LDLRAD4: variants seen among roughly 807,000 people sequenced by gnomAD.
LDLRAD4 encodes low-density lipoprotein receptor class A domain-containing protein 4.
A neutral mutation model predicts 17.0 loss-of-function variants in LDLRAD4; 5 were observed. The ratio of observed to expected loss-of-function variants is 0.29; its 90% CI spans 0.15 to 0.62. The LOEUF (loss-of-function observed/expected upper bound fraction) is 0.62. LDLRAD4 is among the 20% of genes least tolerant of loss of function. The pLI is 0.84. For missense variants in LDLRAD4, 340 were observed against 424.7 expected (o/e 0.80, Z 1.75); for synonymous variants, 168 against 171.8 (o/e 0.98, Z 0.17).
intron 3 of LDLRAD4, among the ~76,000 whole-genome samples, chr18:13,457,772 C>T (rs914952502): frequency 2.0e-5 from 3 of 152,124 alleles, no homozygotes; most frequent in Non-Finnish European, 4.4e-5. Context: ...GAAGGCGGCT[C>T]CCCCTGCCTC....
intron 3 of LDLRAD4, among the ~76,000 whole-genome samples, chr18:13,610,664 A>G (rs1428071538): frequency 1.3e-5 from 2 of 152,308 alleles, no homozygotes; most frequent in Admixed American, 6.5e-5. Flanking sequence ...CTTGAGGGCA[A>G]GCCTATCATG....
intron 1 of LDLRAD4, among the ~76,000 whole-genome samples, chr18:13,358,254 A>ATG (rs2083458381): frequency 6.6e-6 from 1 of 152,042 alleles, no homozygotes; most frequent in Non-Finnish European, 1.5e-5. Flanking sequence ...CCAGGGATGT[A>ATG]TGTGTGTGTG....
chr18:13,641,279 GATT>G (rs1187112911), intron 4 of LDLRAD4, among the ~76,000 whole-genome samples: 1 of 152,174 alleles, frequency 6.6e-6, no homozygotes. Flanking sequence ...TCAATAGATG[GATT>G]AGATGGATGG....
intron 1 of LDLRAD4, among the ~76,000 whole-genome samples, chr18:13,377,662 C>T (rs763564336): frequency 3.9e-5 from 6 of 152,204 alleles, no homozygotes; most frequent in Non-Finnish European, 8.8e-5. Context: ...TGGGACTTCC[C>T]CTACCTTTTG....
chr18:13,593,689 C>T (rs1601602124), intron 3 of LDLRAD4, among the ~76,000 whole-genome samples: 1 of 152,204 alleles, frequency 6.6e-6, no homozygotes, highest in East Asian at 1.9e-4. Flanking sequence ...AACTCCTGAA[C>T]TTACACAATC....
intron 3 of LDLRAD4, among the ~76,000 whole-genome samples, chr18:13,551,768 G>A (rs1200788040): frequency 6.6e-6 from 1 of 152,178 alleles, no homozygotes; most frequent in Non-Finnish European, 1.5e-5. Context: ...GTGAGCAGGT[G>A]TTCGTTCTTT....
At chr18:13,601,494 G>A (rs1365560831) in intron 3 of LDLRAD4, among the ~76,000 whole-genome samples, 4 of 152,014 alleles carry the variant, frequency 2.6e-5, no homozygotes, top group African/African-American at 9.7e-5. Flanking sequence ...AGGCTGCAGA[G>A]AAAAGGGAAC....
intron 1 of LDLRAD4, among the ~76,000 whole-genome samples, chr18:13,320,657 G>A (rs1367417565): frequency 6.6e-6 from 1 of 152,216 alleles, no homozygotes; most frequent in East Asian, 1.9e-4. Flanking sequence ...CGGTGAGGAA[G>A]GTCACTGCAG....
At chr18:13,594,115 C>A (rs1470632683) in intron 3 of LDLRAD4, among the ~76,000 whole-genome samples, 1 of 152,142 alleles carries the variant, frequency 6.6e-6, no homozygotes, top group African/African-American at 2.4e-5. Context: ...GAGAGCTCAG[C>A]GTGCTGGTGG....
At chr18:13,538,813 A>C (rs2094236165) in intron 3 of LDLRAD4, among the ~76,000 whole-genome samples, 1 of 152,236 alleles carries the variant, frequency 6.6e-6, no homozygotes, top group Non-Finnish European at 1.5e-5. Context: ...GGCATGAGCC[A>C]CTGTGCCTGG....
intron 1 of LDLRAD4, among the ~76,000 whole-genome samples, chr18:13,365,966 G>A (rs1250983309): frequency 6.6e-6 from 1 of 152,176 alleles, no homozygotes; most frequent in Non-Finnish European, 1.5e-5. Context: ...GTAGAGAAGG[G>A]GTTTCACCAT....
At chr18:13,324,284 CCT>C (rs2081400667) in intron 1 of LDLRAD4, among the ~76,000 whole-genome samples, 1 of 150,646 alleles carries the variant, frequency 6.6e-6, no homozygotes, top group Non-Finnish European at 1.5e-5. Flanking sequence ...ACTACAGGTG[CCT>C]GCCACCACAC....
At chr18:13,255,513 G>A (rs1456323464) in intron 1 of LDLRAD4, among the ~76,000 whole-genome samples, 1 of 152,220 alleles carries the variant, frequency 6.6e-6, no homozygotes, top group East Asian at 1.9e-4. Flanking sequence ...GCATGCATGT[G>A]CACATACAGG....
chr18:13,640,152 G>A (rs1020914179), intron 4 of LDLRAD4, among the ~76,000 whole-genome samples: 1 of 152,038 alleles, frequency 6.6e-6, no homozygotes, highest in Non-Finnish European at 1.5e-5. Flanking sequence ...AATTAGCTGG[G>A]TGTGGTGGCG....
intron 2 of LDLRAD4, among the ~76,000 whole-genome samples, chr18:13,429,478 C>G (rs1157227711): frequency 1.3e-5 from 2 of 152,120 alleles, no homozygotes; most frequent in African/African-American, 4.8e-5. Context: ...GTCAAAATGT[C>G]CAGAATTCAG....
chr18:13,255,659 A>G (rs2043464472), intron 1 of LDLRAD4, among the ~76,000 whole-genome samples: 1 of 152,164 alleles, frequency 6.6e-6, no homozygotes, highest in South Asian at 2.1e-4. Context: ...TCTGGGGAAT[A>G]GATCACGGTG....
intron 3 of LDLRAD4, among the ~76,000 whole-genome samples, chr18:13,528,868 T>C (rs571333546): frequency 2.0e-5 from 3 of 152,316 alleles, no homozygotes; most frequent in African/African-American, 7.2e-5. Flanking sequence ...ATTCTGATTC[T>C]GATGTTGGGA....
intron 3 of LDLRAD4, among the ~76,000 whole-genome samples, chr18:13,506,221 T>TTA (rs199542815): frequency 0.017 from 1,485 of 87,444 alleles, 25 homozygotes; most frequent in African/African-American, 0.046. Context: ...GTTTCCTCTT[T>TTA]TTTTTTTTTA....
chr18:13,337,047 G>A (rs565049895), intron 1 of LDLRAD4, among the ~76,000 whole-genome samples: 5 of 152,280 alleles, frequency 3.3e-5, no homozygotes, highest in Middle Eastern at 3.4e-3. Context: ...GTGATATGGA[G>A]AAGCTTCCAG....
Sources: gnomAD v4.1 joint callset for allele counts (sites outside exome capture counted in the v4.1 genomes callset) on GRCh38, gnomAD v4.1.1 for gene constraint, MANE v1.5 for transcripts, NCBI Gene and HGNC (gene_info 2026-07-23, HGNC 2026-07-21) for gene names.